SLC10A7: variants seen among roughly 807,000 people sequenced by gnomAD.
SLC10A7 encodes the protein sodium/bile acid cotransporter 7.
In SLC10A7, 29 loss-of-function variants were observed where a neutral mutation model predicts 43.2. The ratio of observed to expected loss-of-function variants is 0.67; its 90% CI spans 0.50 to 0.92. The LOEUF is 0.92. Ranked by LOEUF, SLC10A7 falls within the 40% of genes least tolerant of loss-of-function variation. The pLI, the probability that SLC10A7 is intolerant of heterozygous loss-of-function variation, is 0.00. For synonymous variants in SLC10A7, 152 were observed against 144.8 expected (o/e 1.05, Z -0.35); for missense variants, 295 against 403.2 (o/e 0.73, Z 2.30).
intron 4 of SLC10A7, among the ~76,000 whole-genome samples, chr4:146,484,878 T>C (rs1734781343): frequency 6.6e-6 from 1 of 152,318 alleles, no homozygotes; most frequent in East Asian, 1.9e-4. Context: ...AAGGAATTAA[T>C]TTCCTTGCAA....
At chr4:146,258,949 T>A in intron 10 of SLC10A7, 112 bp from the exon 11 acceptor site, 3 of 1,189,150 alleles carry the variant, frequency 2.5e-6, no homozygotes, top group Non-Finnish European at 3.5e-6. Context: ...TATTTTCTCA[T>A]GTTTATTCAC....
chr4:146,498,560 A>G (rs1011494359), intron 4 of SLC10A7, among the ~76,000 whole-genome samples: 4 of 152,248 alleles, frequency 2.6e-5, no homozygotes, highest in Admixed American at 6.5e-5. Flanking sequence ...AAAATATTCA[A>G]ATGAATAAAT....
intron 7 of SLC10A7, among the ~76,000 whole-genome samples, chr4:146,305,088 G>T (rs1239847781): frequency 1.3e-5 from 2 of 151,194 alleles, no homozygotes; most frequent in Middle Eastern, 3.4e-3. Flanking sequence ...TATACCCAAA[G>T]GACTATAAGT....
chr4:146,398,468 C>T (rs973658622), intron 5 of SLC10A7, among the ~76,000 whole-genome samples: 2 of 151,972 alleles, frequency 1.3e-5, no homozygotes, highest in African/African-American at 4.8e-5. Context: ...GCAGAAACAC[C>T]AAAGGAGAAT....
chr4:146,363,382 A>AAG (rs1253419070), intron 5 of SLC10A7, among the ~76,000 whole-genome samples: 2 of 151,990 alleles, frequency 1.3e-5, no homozygotes, highest in East Asian at 1.9e-4. Context: ...ATTAGAGCTA[A>AAG]AGAGAGAGAG....
At chr4:146,355,893 GT>G (rs1735561104) in intron 5 of SLC10A7, among the ~76,000 whole-genome samples, 1 of 104,636 alleles carries the variant, frequency 9.6e-6, no homozygotes, top group Admixed American at 1.3e-4. Flanking sequence ...CTGTGGTGGG[GT>G]GGGGGGAGGG....
chr4:146,386,421 G>C (rs1233548771), intron 5 of SLC10A7, among the ~76,000 whole-genome samples: 1 of 152,048 alleles, frequency 6.6e-6, no homozygotes, highest in Non-Finnish European at 1.5e-5. Flanking sequence ...TCCTTTACCT[G>C]CACTCACCAA....
chr4:146,288,116 T>C (rs569181299), intron 9 of SLC10A7, among the ~76,000 whole-genome samples: 3 of 152,262 alleles, frequency 2.0e-5, no homozygotes, highest in South Asian at 2.1e-4. Context: ...TACAGTCTTA[T>C]CGACAAAAAG....
chr4:146,356,906 G>A (rs1257059922), intron 5 of SLC10A7, among the ~76,000 whole-genome samples: 1 of 151,948 alleles, frequency 6.6e-6, no homozygotes, highest in African/African-American at 2.4e-5. Flanking sequence ...TACTATACCT[G>A]GATTAATTTC....
At chr4:146,288,529 T>C (rs1307256458) in intron 9 of SLC10A7, among the ~76,000 whole-genome samples, 1 of 152,136 alleles carries the variant, frequency 6.6e-6, no homozygotes, top group African/African-American at 2.4e-5. Context: ...AGAAAGACAA[T>C]ATTAAAACCA....
At chr4:146,443,043 G>A (rs1458526684) in intron 4 of SLC10A7, among the ~76,000 whole-genome samples, 2 of 152,136 alleles carry the variant, frequency 1.3e-5, no homozygotes, top group Non-Finnish European at 2.9e-5. Flanking sequence ...TCAAAAGCAG[G>A]CAGAAAACGC....
At chr4:146,354,247 GACAA>G (rs1436207573) in intron 5 of SLC10A7, among the ~76,000 whole-genome samples, 3 of 150,344 alleles carry the variant, frequency 2.0e-5, no homozygotes, top group East Asian at 2.0e-4. Context: ...ACCAACAACA[GACAA>G]ACAGAGAGCC....
intron 7 of SLC10A7, among the ~76,000 whole-genome samples, chr4:146,300,062 A>C (rs1351503858): frequency 6.6e-6 from 1 of 152,192 alleles, no homozygotes; most frequent in East Asian, 1.9e-4. Context: ...GAAGGAGTTG[A>C]GAATAATTGC....
At chr4:146,295,418 T>C (rs533632615) in intron 7 of SLC10A7, among the ~76,000 whole-genome samples, 6 of 152,294 alleles carry the variant, frequency 3.9e-5, no homozygotes, top group South Asian at 2.1e-4. Context: ...CAAAATATTA[T>C]GGGGTTTATT....
At position 146,473,715 on chromosome 4, in the gene SLC10A7, T is replaced by A. The variant is rs561589524; in HGVS notation, c.396+30134A>T. On this transcript the variant is annotated intron_variant, in intron 4 of 11. Transcript: ENST00000335472. The stretch of plus-strand genomic sequence containing the variant: ...AACATTTTCTACTAATCAAGTATTT[T>A]AAAAAAAAATGAGTTTCTAGAAATC... Among the ~76,000 whole-genome samples, 29 of 151,374 alleles carry A rather than the reference T, an allele frequency of 1.9e-4. No homozygotes were observed. In the East Asian group the frequency reaches 3.7e-3, roughly 19 times the overall value.
chr4:146,265,893 T>C (rs968553945), intron 10 of SLC10A7, among the ~76,000 whole-genome samples: 1 of 152,206 alleles, frequency 6.6e-6, no homozygotes, highest in Admixed American at 6.5e-5. Context: ...TACTGAAGTA[T>C]GGAGTAAGCA....
chr4:146,323,764 A>ATGGGT (rs1732906214), intron 6 of SLC10A7, among the ~76,000 whole-genome samples: 1 of 152,170 alleles, frequency 6.6e-6, no homozygotes, highest in East Asian at 1.9e-4. Context: ...AACTGGCACA[A>ATGGGT]GACAGGGATG....
In SLC10A7 at chr4:146,266,484, A is replaced by G. The variant is rs1728565117; in HGVS notation, c.848-7647T>C. Among the ~76,000 whole-genome samples the G allele has an allele frequency of 2.6e-5, 4 of 152,072 alleles. No individual in the cohort carries two copies. In the South Asian group the frequency reaches 8.3e-4, roughly 31 times the overall value. On this transcript the variant is annotated intron_variant, in intron 10 of 11. Coordinates refer to ENST00000335472, the MANE Select transcript of SLC10A7 (RefSeq NM_001029998.6). ...ATACACACAGACTTTCTCTTCAGAG[A>G]CAAAATAGTCACAGAAAGTCAAACT...
intron 2 of SLC10A7, among the ~76,000 whole-genome samples, chr4:146,515,603 C>T (rs764839059): frequency 2.6e-5 from 4 of 152,176 alleles, no homozygotes; most frequent in Non-Finnish European, 4.4e-5. Context: ...AATGATCCTA[C>T]GTATATCAAA....
Sources: gnomAD v4.1 joint callset for allele counts (sites outside exome capture counted in the v4.1 genomes callset) on GRCh38, gnomAD v4.1.1 for gene constraint, MANE v1.5 for transcripts, NCBI Gene and HGNC (gene_info 2026-07-23, HGNC 2026-07-21) for gene names.